Variants in CLIP2 observed in about 807,000 individuals in gnomAD.
The protein encoded by CLIP2 is CAP-Gly domain-containing linker protein 2.
Under a neutral mutation model 111.7 loss-of-function variants are expected in CLIP2, and 41 were observed. The observed-to-expected ratio is 0.37, with a 90% CI of 0.29 to 0.48. The LOEUF is 0.48. Ranked by LOEUF, CLIP2 falls within the 20% of genes least tolerant of loss-of-function variation. The probability of loss-of-function intolerance (pLI) is 0.99; values close to 1 mark genes in which losing one functional copy is unlikely to be tolerated. For missense variants in CLIP2, 1,160 were observed against 1,422.1 expected (o/e 0.82, Z 2.96); for synonymous variants, 660 against 644.2 (o/e 1.02, Z -0.37).
At chr7:74,313,589 G>T (rs1478096150) in intron 1 of CLIP2, among the ~76,000 whole-genome samples, 3 of 151,830 alleles carry the variant, frequency 2.0e-5, no homozygotes, top group Non-Finnish European at 4.4e-5. Context: ...GAGCCCAAGT[G>T]GCCAGCTTCA....
At chr7:74,365,843 T>C (rs115409772) in intron 8 of CLIP2, among the ~76,000 whole-genome samples, 1,576 of 152,156 alleles carry the variant, frequency 0.01, 26 homozygotes, top group African/African-American at 0.036. Context: ...AAGCCTCCAC[T>C]TCCTGGGCTC....
intron 1 of CLIP2, among the ~76,000 whole-genome samples, chr7:74,308,735 C>A (rs529620476): frequency 2.6e-5 from 4 of 152,106 alleles, no homozygotes; most frequent in African/African-American, 9.6e-5. Context: ...AAACTCCTGA[C>A]CTTCAGTGAT....
chr7:74,304,968 G>GAATA (rs782271276), intron 1 of CLIP2, among the ~76,000 whole-genome samples: 2,605 of 147,332 alleles, frequency 0.018, 44 homozygotes, highest in East Asian at 0.1. Flanking sequence ...ATGAATGAAT[G>GAATA]AATAAATAAA....
chr7:74,295,652 C>G (rs1331719660), intron 1 of CLIP2, among the ~76,000 whole-genome samples: 1 of 152,044 alleles, frequency 6.6e-6, no homozygotes, highest in African/African-American at 2.4e-5. Context: ...TCATCTGATT[C>G]CAGAAAGGAC....
rs1450082188 is a variant in CLIP2 at position 74,388,434 on chromosome 7, A to T, written c.2564-669A>T. Among the ~76,000 whole-genome samples the T allele has an allele frequency of 2.0e-5, 3 of 150,726 alleles. No individual in the cohort carries two copies. The East Asian group carries it at 5.9e-4, about 30-fold the overall frequency. On this transcript the variant is annotated intron_variant, in intron 12 of 16. Coordinates refer to ENST00000223398, the MANE Select transcript of CLIP2 (RefSeq NM_003388.5). ...AGAATTGCTGCAACCTGGGAGGCGGAGGTTGCAGTGAGCTGAGAACATGCC... is the reference window on the plus strand; with the variant it reads ...AGAATTGCTGCAACCTGGGAGGCGGTGGTTGCAGTGAGCTGAGAACATGCC...
At chr7:74,373,783 AG>A (rs1790705276) in intron 9 of CLIP2, among the ~76,000 whole-genome samples, 1 of 152,118 alleles carries the variant, frequency 6.6e-6, no homozygotes, top group Non-Finnish European at 1.5e-5. Context: ...GAAGGAGGTC[AG>A]GAACTGCAGA....
chr7:74,338,925 A>T lies in CLIP2; in HGVS notation c.599A>T (p.Asn200Ile). The change falls in exon 3 of 17, where the codon AAC becomes ATC. Residue 200 changes from asparagine to isoleucine, a missense_variant. Physicochemically the swap from Asn to Ile is moderately radical, Grantham distance 149. This residue lies in a region of CLIP2 where 301 missense variants were observed against 315.2 expected (regional missense o/e 0.96). Coordinates refer to ENST00000223398, the MANE Select transcript of CLIP2 (RefSeq NM_003388.5). This position sits in a 1 kb window ranked among gnomAD's most constrained non-coding sequence, Gnocchi z 4.3. ...CTCAACAGCTCCGTGAAGACTGGCA[A>T]CGAGTCGGGATCCAACCTCTCAGAC... is the stretch of plus-strand genomic sequence containing the variant. ...SVLNSSVKTG[N>I]ESGSNLSDSG... 6.2e-7 allele frequency: 1 copy of T among 1,601,124 alleles called. No homozygotes were observed.
At chr7:74,347,387 G>A (rs763955843) in intron 3 of CLIP2, among the ~76,000 whole-genome samples, 8 of 152,144 alleles carry the variant, frequency 5.3e-5, no homozygotes, top group Non-Finnish European at 1.2e-4. Flanking sequence ...TCCTGCCTCA[G>A]CCTCCCGGGT....
intron 3 of CLIP2, among the ~76,000 whole-genome samples, chr7:74,342,908 G>A (rs1244010755): frequency 1.3e-5 from 2 of 151,940 alleles, no homozygotes; most frequent in African/African-American, 4.8e-5. Context: ...AGTGGCGGGA[G>A]CCTGTAGTCC....
At chr7:74,312,364 G>A (rs2116489782) in intron 1 of CLIP2, among the ~76,000 whole-genome samples, 1 of 152,186 alleles carries the variant, frequency 6.6e-6, no homozygotes, top group South Asian at 2.1e-4. Flanking sequence ...GGAGGCGGAG[G>A]GAGTTCCTTG....
intron 1 of CLIP2, among the ~76,000 whole-genome samples, chr7:74,310,036 CAAAAAAAAAAAAAAAAAAAAAAAAAAAA>C (rs71094774): frequency 5.4e-5 from 5 of 92,480 alleles, no homozygotes; most frequent in Non-Finnish European, 7.6e-5. Context: ...CCTGTCTCTA[CAAAAAAAAAAAAAAAAAAAAAAAAAAAA>C]AAAAAAAAAA....
At chr7:74,359,515 A>C (rs534635534) in intron 6 of CLIP2, among the ~76,000 whole-genome samples, 4 of 151,028 alleles carry the variant, frequency 2.6e-5, no homozygotes, top group African/African-American at 9.7e-5. Context: ...CACCACGCCC[A>C]GCTAATGTTT....
rs1554731987 is a variant in CLIP2, at chr7:74,335,690, T to TTCCTTC, written c.122-2758_122-2757insTCCTTC. Among the ~76,000 whole-genome samples, 13 of 77,994 alleles carry TTCCTTC rather than the reference T, an allele frequency of 1.7e-4. 1 individual carries two copies. The South Asian group carries it at 3.7e-3, about 22-fold the overall frequency. The allele number at this position is 77,994 out of a possible 152,430, so 51.2% of individuals were successfully genotyped here. Reference sequence around the variant, plus strand: ...TCCTTCCTTCCTTGCTTCCTTCCTTTCTCTTTTTTTCTTTCTTTTTTTCTT... The same window carrying TTCCTTC: ...TCCTTCCTTCCTTGCTTCCTTCCTTTTCCTTCCTCTTTTTTTCTTTCTTTTTTTCTT... On this transcript the variant is annotated intron_variant, in intron 2 of 16. Transcript: ENST00000223398.
At chr7:74,370,150 T>C (rs1366656020) in intron 8 of CLIP2, among the ~76,000 whole-genome samples, 10 of 35,488 alleles carry the variant, frequency 2.8e-4, no homozygotes, top group South Asian at 3.0e-3. Flanking sequence ...AGCGAGACTC[T>C]GCCTCAAAAA....
chr7:74,290,571 C>A (rs1290712018), intron 1 of CLIP2, among the ~76,000 whole-genome samples: 1 of 152,218 alleles, frequency 6.6e-6, no homozygotes, highest in Non-Finnish European at 1.5e-5. Context: ...GGGGAAATCA[C>A]CCACCCAGCA....
intron 2 of CLIP2, among the ~76,000 whole-genome samples, chr7:74,334,058 C>T (rs1340231779): frequency 6.6e-6 from 1 of 152,204 alleles, no homozygotes; most frequent in Non-Finnish European, 1.5e-5. Context: ...TTAGCTATTT[C>T]TGACCTAGTC....
chr7:74,356,629 G>T lies in CLIP2; in HGVS notation c.1017+6G>T. 6.2e-7 allele frequency: 1 copy of T among 1,610,010 alleles called. No individual in the cohort carries two copies. The highest frequency in any genetic ancestry group is 1.1e-5 in the South Asian group (1 of 90,616). On this transcript the variant is annotated splice_donor_region_variant and intron_variant, in intron 5 of 16. Coordinates refer to ENST00000223398, the MANE Select transcript of CLIP2 (RefSeq NM_003388.5). ...GGCCCAGCCGCAGTGGCCTGGTGAGGGTGGGGCTGCAGAAGGGGATTCTCT... is the reference window on the plus strand; with the variant it reads ...GGCCCAGCCGCAGTGGCCTGGTGAGTGTGGGGCTGCAGAAGGGGATTCTCT...
chr7:74,305,535 C>T (rs1275986929), intron 1 of CLIP2, among the ~76,000 whole-genome samples: 1 of 152,164 alleles, frequency 6.6e-6, no homozygotes, highest in African/African-American at 2.4e-5. Context: ...ACTTTGTCGC[C>T]CAGGCTGGAG....
At chr7:74,387,041 A>C (rs1791129243) in intron 12 of CLIP2, among the ~76,000 whole-genome samples, 1 of 146,926 alleles carries the variant, frequency 6.8e-6, no homozygotes, top group South Asian at 2.1e-4. Flanking sequence ...AAAAAAAAAA[A>C]AGGGCCAGGG....
Sources: allele counts gnomAD v4.1 joint callset (sites outside exome capture counted in the v4.1 genomes callset), GRCh38; gene constraint gnomAD v4.1.1; regional missense constraint gnomAD v4.1.1; non-coding constraint Gnocchi (gnomAD v3.1); transcripts MANE v1.5; gene names NCBI Gene and HGNC (gene_info 2026-07-23, HGNC 2026-07-21).